Variants in C6 observed in about 807,000 individuals in gnomAD.
The protein encoded by C6 is complement C6, also known as complement component C6.
A neutral mutation model predicts 112.9 loss-of-function variants in C6; 101 were observed. The observed-to-expected ratio is 0.89, with a 90% CI of 0.76 to 1.06. The LOEUF is 1.06. C6 is among the 50% of genes least tolerant of loss of function. The probability of loss-of-function intolerance (pLI) is 0.00; values close to 1 mark genes in which losing one functional copy is unlikely to be tolerated. For missense variants in C6, 1,202 were observed against 1,104.6 expected (o/e 1.09, Z -1.25); for synonymous variants, 431 against 384.1 (o/e 1.12, Z -1.43).
intron 7 of C6, among the ~76,000 whole-genome samples, chr5:41,177,811 G>A (rs1748981438): frequency 6.6e-6 from 1 of 152,176 alleles, no homozygotes; most frequent in African/African-American, 2.4e-5. Context: ...AGATACAGAA[G>A]TGAAGAAGGC....
At chr5:41,245,005 T>C (rs1477162385) in intron 1 of C6, among the ~76,000 whole-genome samples, 1 of 152,212 alleles carries the variant, frequency 6.6e-6, no homozygotes, top group Non-Finnish European at 1.5e-5. Context: ...TTATTGCACT[T>C]GGTCATGGTT....
At chr5:41,251,034 G>C (rs1301179756) in intron 1 of C6, among the ~76,000 whole-genome samples, 1 of 152,120 alleles carries the variant, frequency 6.6e-6, no homozygotes, top group Non-Finnish European at 1.5e-5. Context: ...TTGAAGCTCA[G>C]AGATGATTTA....
chr5:41,146,934 T>A (rs911979299), intron 17 of C6, among the ~76,000 whole-genome samples: 1 of 151,952 alleles, frequency 6.6e-6, no homozygotes, highest in Non-Finnish European at 1.5e-5. Context: ...AAAAAAAAAT[T>A]ATTTCCAATA....
chr5:41,217,132 G>A (rs965125926), upstream of C6, among the ~76,000 whole-genome samples: 1 of 151,866 alleles, frequency 6.6e-6, no homozygotes, highest in African/African-American at 2.4e-5. Context: ...CTTCTTTGGG[G>A]GCCATTCCAA....
chr5:41,241,286 C>T (rs1239857309), intron 1 of C6, among the ~76,000 whole-genome samples: 1 of 152,170 alleles, frequency 6.6e-6, no homozygotes, highest in African/African-American at 2.4e-5. Context: ...CTACAGCTCT[C>T]TGGCAGTGAT....
At chr5:41,215,269 G>A (rs1050914173), upstream of C6, among the ~76,000 whole-genome samples, 19 of 152,262 alleles carry the variant, frequency 1.2e-4, no homozygotes, top group African/African-American at 2.4e-4. Flanking sequence ...AATATTTACC[G>A]TCTGGCCCTT....
intron 7 of C6, among the ~76,000 whole-genome samples, chr5:41,178,526 A>T (rs1179307402): frequency 1.6e-5 from 2 of 128,778 alleles, no homozygotes; most frequent in Non-Finnish European, 3.1e-5. Flanking sequence ...CCCAGGCTGG[A>T]GTGCAGTGGT....
At chr5:41,246,603 G>C (rs1182551678) in intron 1 of C6, among the ~76,000 whole-genome samples, 1 of 152,164 alleles carries the variant, frequency 6.6e-6, no homozygotes, top group Non-Finnish European at 1.5e-5. Context: ...ATCTAACTAG[G>C]AGTTTTTGAA....
At chr5:41,257,977 A>T (rs370398341) in intron 1 of C6, among the ~76,000 whole-genome samples, 1 of 152,188 alleles carries the variant, frequency 6.6e-6, no homozygotes. Context: ...TTCACATAGA[A>T]AAAAATCTTT....
At chr5:41,230,409 A>G (rs1739822339) in intron 1 of C6, among the ~76,000 whole-genome samples, 1 of 152,056 alleles carries the variant, frequency 6.6e-6, no homozygotes, top group Admixed American at 6.6e-5. Flanking sequence ...GGAGGTCTAT[A>G]ATTGGCCACT....
chr5:41,210,282 A>C (rs1039778120), intron 1 of C6, among the ~76,000 whole-genome samples: 1 of 152,212 alleles, frequency 6.6e-6, no homozygotes, highest in Non-Finnish European at 1.5e-5. Context: ...AAACCTAGGC[A>C]ATACCATTCA....
chr5:41,151,033 T>C (rs1746345463), intron 15 of C6, among the ~76,000 whole-genome samples: 1 of 152,148 alleles, frequency 6.6e-6, no homozygotes, highest in African/African-American at 2.4e-5. Flanking sequence ...TAATAGGGTC[T>C]TTGAAGGGTT....
upstream of C6, among the ~76,000 whole-genome samples, chr5:41,217,163 T>G (rs1383944819): frequency 6.6e-6 from 1 of 152,138 alleles, no homozygotes; most frequent in Non-Finnish European, 1.5e-5. Flanking sequence ...TTCTTAAATT[T>G]TTTCTACATT....
At chr5:41,206,353 C>A (rs1368871991) in intron 1 of C6, among the ~76,000 whole-genome samples, 2 of 152,170 alleles carry the variant, frequency 1.3e-5, no homozygotes, top group Admixed American at 1.3e-4. Flanking sequence ...TGTAAAGGAA[C>A]AAAGCTGAAC....
At chr5:41,261,177 A>G in intron 1 of C6, 1 of 985,632 alleles carries the variant, frequency 1.0e-6, no homozygotes, top group Non-Finnish European at 1.2e-6. Context: ...AAAAGAAGAA[A>G]AAAGTAGAAA....
intron 1 of C6, among the ~76,000 whole-genome samples, chr5:41,242,879 A>G (rs1740807502): frequency 7.5e-6 from 1 of 133,236 alleles, no homozygotes; most frequent in African/African-American, 2.9e-5. Flanking sequence ...GCTAAATGAA[A>G]TAAGCCAAGT....
Position 41,176,614 on chromosome 5 carries a change from G to T in C6, c.1029C>A (p.Asn343Lys). Residue 343 changes from asparagine to lysine, a missense_variant, in exon 8 of 18, where the codon AAC (asparagine) becomes AAA (lysine). Physicochemically the swap from Asn to Lys is moderately conservative, Grantham distance 94. Transcript: ENST00000337836. Reference sequence around the variant, plus strand: ...CAGAGTTGTATTCTAGAGGCAGATGGTTAAGTGCTTTCAAAAAGACATCAG... The same window carrying T: ...CAGAGTTGTATTCTAGAGGCAGATGTTTAAGTGCTTTCAAAAAGACATCAG... Reference protein sequence around the residue: ...HLSDVFLKALNHLPLEYNSAL... With the variant: ...HLSDVFLKALKHLPLEYNSAL... 1 of 1,613,922 alleles carries T rather than the reference G, an allele frequency of 6.2e-7. No individual in the cohort carries two copies. Among genetic ancestry groups the T allele is most frequent in the Non-Finnish European group, 8.5e-7 (1 of 1,179,880 alleles).
At chr5:41,222,619 G>T (rs1280094603) in intron 1 of C6, among the ~76,000 whole-genome samples, 3 of 152,016 alleles carry the variant, frequency 2.0e-5, no homozygotes, top group Admixed American at 6.6e-5. Context: ...TTATTTCAAA[G>T]AAATTAAAAG....
rs553851271 is a variant in C6, at chr5:41,160,861, C to T, written c.1459-494G>A. 2.6e-5 allele frequency among the ~76,000 whole-genome samples: 4 copies of T among 152,078 alleles called. No individual in the cohort carries two copies. In the East Asian group the frequency reaches 7.7e-4, roughly 29 times the overall value. On this transcript the variant is annotated intron_variant, in intron 10 of 17. Coordinates refer to ENST00000337836, the MANE Select transcript of C6 (RefSeq NM_000065.5). ...GGGAGAAAATGAAGAAATAAACTTGCCAGTAGGATGAATGGAAGAATTACA... is the reference window on the plus strand; with the variant it reads ...GGGAGAAAATGAAGAAATAAACTTGTCAGTAGGATGAATGGAAGAATTACA...
Sources: gnomAD v4.1 joint callset for allele counts (sites outside exome capture counted in the v4.1 genomes callset) on GRCh38, gnomAD v4.1.1 for gene constraint, MANE v1.5 for transcripts, NCBI Gene and HGNC (gene_info 2026-07-23, HGNC 2026-07-21) for gene names.